Variants in KCNK5 observed in about 807,000 individuals in gnomAD.
The protein encoded by KCNK5 is potassium channel subfamily K member 5.
KCNK5 carries 18 observed loss-of-function variants against 32.9 expected under a neutral mutation model. The ratio of observed to expected loss-of-function variants is 0.55; its 90% confidence interval spans 0.38 to 0.81. KCNK5 has a LOEUF of 0.81. Among genes scored for constraint, KCNK5 ranks in the 30% least tolerant of loss-of-function variants. The probability of loss-of-function intolerance (pLI) is 0.00; values close to 1 mark genes in which losing one functional copy is unlikely to be tolerated. For synonymous variants in KCNK5, 276 were observed against 275.3 expected, an observed-to-expected ratio of 1.00 and a Z score of -0.03; for missense variants, 507 against 651.0, an observed-to-expected ratio of 0.78 and a Z score of 2.41.
rs376883155 is a variant in KCNK5, at chr6:39,194,782, C to T, written c.299-22G>A. 6.2e-7 allele frequency: 1 copy of T among 1,612,398 alleles called. No individual in the cohort carries two copies. ...TATCCTGAGGAAGGAGAGAGTGAGG[C>T]CAAGAACAGGAGGGGTGGTCAAACC... On this transcript the variant is annotated intron_variant, in intron 2 of 4. Coordinates refer to ENST00000359534, the MANE Select transcript of KCNK5 (RefSeq NM_003740.4). The surrounding 1 kb of genome is among the most constrained non-coding windows in gnomAD (Gnocchi z 4.7).
chr6:39,194,986 C>G lies in KCNK5; in HGVS notation c.299-226G>C, dbSNP rs988991279. On this transcript the variant is annotated intron_variant, in intron 2 of 4. Transcript: ENST00000359534. The surrounding 1 kb of genome is among the most constrained non-coding windows in gnomAD (Gnocchi z 4.7). ...CATCATACAAGGAGCTCCCTGAAGG[C>G]AGGGACTAAGCCTGGTCAACAGGTC... Among the ~76,000 whole-genome samples the G allele has an allele frequency of 1.3e-5, 2 of 152,234 alleles. No homozygotes were observed. The highest frequency in any genetic ancestry group is 4.8e-5 in the African/African-American group (2 of 41,458).
At chr6:39,228,628 G>A (rs1771714154) in intron 1 of KCNK5, among the ~76,000 whole-genome samples, 1 of 152,162 alleles carries the variant, frequency 6.6e-6, no homozygotes, top group African/African-American at 2.4e-5. Context: ...CAAGGAGGGA[G>A]GTACCGTCAC....
Position 39,196,524 on chromosome 6 carries a change from C to T in KCNK5, c.187-537G>A, listed in dbSNP as rs1256192067. 2.0e-5 allele frequency among the ~76,000 whole-genome samples: 3 copies of T among 152,164 alleles called. No homozygotes were observed. The East Asian group carries it at 5.8e-4, about 29-fold the overall frequency. On this transcript the variant is annotated intron_variant, in intron 1 of 4. Transcript: ENST00000359534. ...AGACCAGGTCCTTGTTCAGGGTTGG[C>T]TGGGGAGGGGCCCCCCATATACCCT...
chr6:39,197,206 C>CA (rs142769651), intron 1 of KCNK5, among the ~76,000 whole-genome samples: 14,075 of 151,614 alleles, frequency 0.093, 838 homozygotes, highest in South Asian at 0.18. Flanking sequence ...CAGAGGGAGA[C>CA]AAAAAAAACC....
Position 39,194,513 on chromosome 6 carries a change from C to A in KCNK5, c.465+81G>T. Reference sequence around the variant, plus strand: ...GCCATCTGTCCTTACACCCTTGGTCCAATTCCTAGAGGCCTCCTGTCCTCC... The same window carrying A: ...GCCATCTGTCCTTACACCCTTGGTCAAATTCCTAGAGGCCTCCTGTCCTCC... On this transcript the variant is annotated intron_variant, in intron 3 of 4. Transcript: ENST00000359534. The surrounding 1 kb of genome is among the most constrained non-coding windows in gnomAD (Gnocchi z 4.7). The A allele has an allele frequency of 6.6e-7, 1 of 1,525,090 alleles. No individual in the cohort carries two copies. Among genetic ancestry groups the A allele is most frequent in the South Asian group, 1.2e-5 (1 of 81,940 alleles). 94.5% of individuals were successfully genotyped at this position (1,525,090 alleles called of 1,614,324 possible).
At chr6:39,215,855 G>T (rs537667771) in intron 1 of KCNK5, among the ~76,000 whole-genome samples, 1 of 152,194 alleles carries the variant, frequency 6.6e-6, no homozygotes, top group Non-Finnish European at 1.5e-5. Flanking sequence ...AGCAGCAGGC[G>T]TTAGAAGCAG....
chr6:39,213,511 A>C (rs915593703), intron 1 of KCNK5, among the ~76,000 whole-genome samples: 7 of 152,202 alleles, frequency 4.6e-5, no homozygotes, highest in African/African-American at 1.7e-4. Flanking sequence ...GAGAAACACC[A>C]AATGGAAGCA....
At chr6:39,199,893 C>G (rs1238301273) in intron 1 of KCNK5, among the ~76,000 whole-genome samples, 1 of 152,204 alleles carries the variant, frequency 6.6e-6, no homozygotes, top group Non-Finnish European at 1.5e-5. Context: ...CATCACTTGG[C>G]AGAGGAGGAA....
chr6:39,217,676 T>C (rs1019640535), intron 1 of KCNK5, among the ~76,000 whole-genome samples: 3 of 152,202 alleles, frequency 2.0e-5, no homozygotes, highest in African/African-American at 7.2e-5. Flanking sequence ...TCACATTTTA[T>C]GATTTGCCGC....
At chr6:39,202,714 C>T (rs1435312349) in intron 1 of KCNK5, among the ~76,000 whole-genome samples, 1 of 152,154 alleles carries the variant, frequency 6.6e-6, no homozygotes, top group East Asian at 1.9e-4. Context: ...TCCCAAAGCC[C>T]CTCCTCTCTG....
At chr6:39,198,042 G>A (rs942861354) in intron 1 of KCNK5, among the ~76,000 whole-genome samples, 2 of 152,228 alleles carry the variant, frequency 1.3e-5, no homozygotes, top group African/African-American at 4.8e-5. Flanking sequence ...TGCAGAAGAG[G>A]AAGTAGTGGG....
chr6:39,228,057 C>G (rs1445488317), intron 1 of KCNK5, among the ~76,000 whole-genome samples: 2 of 152,060 alleles, frequency 1.3e-5, no homozygotes, highest in African/African-American at 4.8e-5. Context: ...CCCAAATGGG[C>G]CCCAAGGTCT....
chr6:39,200,735 A>G (rs765719403), intron 1 of KCNK5, among the ~76,000 whole-genome samples: 4 of 152,224 alleles, frequency 2.6e-5, no homozygotes, highest in Non-Finnish European at 5.9e-5. Context: ...GCCCTTGCCC[A>G]GAGCTTCAGA....
chr6:39,226,096 C>T (rs560564541), intron 1 of KCNK5, among the ~76,000 whole-genome samples: 11 of 152,248 alleles, frequency 7.2e-5, no homozygotes, highest in East Asian at 1.9e-4. Flanking sequence ...GGTAAATGGC[C>T]GAGCCAGATG....
At chr6:39,227,500 T>A (rs1015110138) in intron 1 of KCNK5, among the ~76,000 whole-genome samples, 5 of 151,866 alleles carry the variant, frequency 3.3e-5, no homozygotes, top group African/African-American at 1.2e-4. Context: ...CTCCCCACCA[T>A]CACCTCCCAT....
At chr6:39,192,596 G>A (rs1770961342) in intron 4 of KCNK5, among the ~76,000 whole-genome samples, 1 of 152,156 alleles carries the variant, frequency 6.6e-6, no homozygotes, top group Admixed American at 6.6e-5. Flanking sequence ...ACCGTGGCAA[G>A]AAACGCTGAA....
Position 39,194,543 on chromosome 6 carries a change from A to G in KCNK5, c.465+51T>C. On this transcript the variant is annotated intron_variant, in intron 3 of 4. Coordinates refer to ENST00000359534, the MANE Select transcript of KCNK5 (RefSeq NM_003740.4). This position sits in a 1 kb window ranked among gnomAD's most constrained non-coding sequence, Gnocchi z 4.7. ...CCTAGAGGCCTCCTGTCCTCCCCTC[A>G]CCTGTCATGGTTCCCCCATCTCTGC... 6.3e-7 allele frequency: 1 copy of G among 1,596,516 alleles called. No homozygotes were observed. Among genetic ancestry groups the G allele is most frequent in the Non-Finnish European group, 8.6e-7 (1 of 1,167,316 alleles).
intron 1 of KCNK5, among the ~76,000 whole-genome samples, chr6:39,220,495 C>T (rs137942066): frequency 7.5e-4 from 114 of 152,230 alleles, no homozygotes; most frequent in African/African-American, 2.6e-3. Flanking sequence ...ACCATCTGGA[C>T]GCAGGAATTC....
chr6:39,199,614 G>A (rs1406957225), intron 1 of KCNK5, among the ~76,000 whole-genome samples: 1 of 152,174 alleles, frequency 6.6e-6, no homozygotes, highest in African/African-American at 2.4e-5. Flanking sequence ...TGGCAGAACT[G>A]GGCTAGGTTG....
Sources: allele counts gnomAD v4.1 joint callset (sites outside exome capture counted in the v4.1 genomes callset), GRCh38; gene constraint gnomAD v4.1.1; non-coding constraint Gnocchi (gnomAD v3.1); transcripts MANE v1.5; gene names NCBI Gene and HGNC (gene_info 2026-07-23, HGNC 2026-07-21).